INTS2: variants seen among roughly 807,000 people sequenced by gnomAD.
INTS2 encodes KIAA1287.
A neutral mutation model predicts 139.6 loss-of-function variants in INTS2; 57 were observed. The ratio of observed to expected loss-of-function variants is 0.41; its 90% CI spans 0.33 to 0.51. The LOEUF (loss-of-function observed/expected upper bound fraction) is 0.51. Among genes scored for constraint, INTS2 ranks in the 20% least tolerant of loss-of-function variants. The pLI is 0.28. For missense variants in INTS2, 1,196 were observed against 1,436.7 expected, an observed-to-expected ratio of 0.83 and a Z score of 2.71; for synonymous variants, 473 against 493.4, an observed-to-expected ratio of 0.96 and a Z score of 0.55.
chr17:61,917,838 T>C (rs1001604061), intron 5 of INTS2, among the ~76,000 whole-genome samples: 3 of 152,082 alleles, frequency 2.0e-5, no homozygotes, highest in Non-Finnish European at 4.4e-5. Context: ...AATTGAATAA[T>C]ATGTAAATAA....
Position 61,869,049 on chromosome 17 carries a change from C to A in INTS2, c.3229G>T (p.Gly1077Ter). Residue 1077 changes from glycine (G) to a stop codon, truncating the protein, a stop_gained, in exon 23 of 25, where the codon GGA (glycine) becomes TGA (stop). Transcript: ENST00000251334. LOFTEE classifies it high-confidence loss of function. The surrounding 1 kb of genome is among the most constrained non-coding windows in gnomAD (Gnocchi z 5.4). Reference sequence around the variant, plus strand: ...GGCTACATACCTGTTAACAAAGTTCCCATGACATTGACAGCTAAACGAGCC... The same window carrying A: ...GGCTACATACCTGTTAACAAAGTTCACATGACATTGACAGCTAAACGAGCC... ...SVARLAVNVM[G>*]TLLTVLTQAK... 6.2e-7 allele frequency: 1 copy of A among 1,603,390 alleles called. No individual in the cohort carries two copies. The highest frequency in any genetic ancestry group is 8.5e-7 in the Non-Finnish European group (1 of 1,170,864).
rs1198171148 is a variant in INTS2, at chr17:61,870,816, TTTG to T, written c.2779-831_2779-829del. Among the ~76,000 whole-genome samples the T allele has an allele frequency of 6.6e-6, 1 of 152,112 alleles. No individual in the cohort carries two copies. The highest frequency in any genetic ancestry group is 1.5e-5 in the Non-Finnish European group (1 of 68,022). ...TGTTATTGTTATTGTTTTGTTTTCTTTTGTTGTTGTTGACTCAGGAGCCAGAGT... is the reference window on the plus strand; with the variant it reads ...TGTTATTGTTATTGTTTTGTTTTCTTTTGTTGTTGACTCAGGAGCCAGAGT... On this transcript the variant is annotated intron_variant, in intron 20 of 24. Transcript: ENST00000251334. The surrounding 1 kb of genome is among the most constrained non-coding windows in gnomAD (Gnocchi z 4.4).
At chr17:61,895,186 GA>G in intron 12 of INTS2, 128 bp downstream of exon 12, 1 of 595,024 alleles carries the variant, frequency 1.7e-6, no homozygotes, top group Non-Finnish European at 2.9e-6. Flanking sequence ...TTTCAAAGAT[GA>G]AATAAATCAT....
chr17:61,927,978 G>A lies in INTS2; in HGVS notation c.-343C>T, dbSNP rs1430630184. ...TCTGACTCCCGTCGGCCACCGTACT[G>A]GTCTGAGAGGAAGGGTGGCTGCGAG... On this transcript the variant is annotated 5_prime_UTR_variant, in exon 1 of 25. Coordinates refer to ENST00000251334, the MANE Select transcript of INTS2 (RefSeq NM_001351695.2). 1.9e-6 allele frequency: 3 copies of A among 1,612,454 alleles called. No individual in the cohort carries two copies. The highest frequency in any genetic ancestry group is 2.5e-6 in the Non-Finnish European group (3 of 1,178,528).
Position 61,897,525 on chromosome 17 carries a change from G to C in INTS2, c.1438C>G (p.His480Asp), listed in dbSNP as rs1465831164. Reference protein sequence around the residue: ...EMLLLVAMYFHSNQLSAIIDL... With the variant: ...EMLLLVAMYFDSNQLSAIIDL... ...ATGATAGCACTAAGCTGGTTGCTGT[G>C]AAAGTACATAGCCACCAATAATAAC... is the stretch of plus-strand genomic sequence containing the variant. The change falls in exon 11 of 25, where the codon CAC becomes GAC. Residue 480 changes from histidine (H) to aspartate (D), a missense_variant. Around this residue, in one of 3 missense-constraint regions of INTS2, gnomAD observed 1,129 missense variants for 1,341.9 expected, o/e 0.84. Coordinates refer to ENST00000251334, the MANE Select transcript of INTS2 (RefSeq NM_001351695.2). This position sits in a 1 kb window ranked among gnomAD's most constrained non-coding sequence, Gnocchi z 4.4. 6.2e-7 allele frequency: 1 copy of C among 1,605,328 alleles called. No homozygotes were observed. The highest frequency in any genetic ancestry group is 8.5e-7 in the Non-Finnish European group (1 of 1,175,836).
intron 17 of INTS2, among the ~76,000 whole-genome samples, chr17:61,878,662 A>T (rs1208098727): frequency 6.6e-6 from 1 of 151,932 alleles, no homozygotes; most frequent in Non-Finnish European, 1.5e-5. Flanking sequence ...CATTAATGGG[A>T]TAGGCATGGT....
At position 61,913,085 on chromosome 17, in the gene INTS2, GA is replaced by G. The variant is rs936383720; in HGVS notation, c.650-1016del. 4.0e-4 allele frequency among the ~76,000 whole-genome samples: 59 copies of G among 146,978 alleles called. 1 individual carries two copies. The highest frequency in any genetic ancestry group is 1.5e-3 in the African/African-American group (59 of 39,642). ...AGCAAGACTCCATCTCCAAAAAAGA[GA>G]AAAAGTAACTAGAGCAGAGGATAGG... On this transcript the variant is annotated intron_variant, in intron 5 of 24. Transcript: ENST00000251334.
rs371025510 is a variant in INTS2, at chr17:61,877,998, G to A, written c.2345C>T (p.Ala782Val). The A allele has an allele frequency of 5.5e-5, 89 of 1,611,146 alleles. No individual in the cohort carries two copies. The highest frequency in any genetic ancestry group is 1.6e-4 in the Middle Eastern group (1 of 6,074). ...GCTCATATTGGATGTTAACACTTCC[G>A]CATATGGTATAAGTTCACTGGCAGA... ...LLSASELIPY[A>V]EVLTSNMSQL... Residue 782 changes from alanine (A) to valine (V), a missense_variant, in exon 18 of 25, where the codon GCG (alanine) becomes GTG (valine). This residue lies in a region of INTS2 where 1,129 missense variants were observed against 1,341.9 expected (regional missense o/e 0.84). Coordinates refer to ENST00000251334, the MANE Select transcript of INTS2 (RefSeq NM_001351695.2).
rs751408874 is a variant in INTS2, at chr17:61,878,104, A to C, written c.2255-16T>G. ...GCTGAAAATGCTAAAAAGAAAATTT[A>C]GCAATCATAACCTAAATTCTGTACA... On this transcript the variant is annotated splice_polypyrimidine_tract_variant and intron_variant, in intron 17 of 24. Coordinates refer to ENST00000251334, the MANE Select transcript of INTS2 (RefSeq NM_001351695.2). 6.6e-7 allele frequency: 1 copy of C among 1,521,564 alleles called. No homozygotes were observed. The highest frequency in any genetic ancestry group is 1.1e-5 in the South Asian group (1 of 89,180). 94.3% of individuals were successfully genotyped at this position (1,521,564 alleles called of 1,614,324 possible).
chr17:61,888,501 T>C (rs780528162), intron 15 of INTS2, among the ~76,000 whole-genome samples: 30 of 152,270 alleles, frequency 2.0e-4, no homozygotes, highest in Non-Finnish European at 3.1e-4. Flanking sequence ...TCTGATATTA[T>C]GTGAAGTAAC....
intron 16 of INTS2, 108 bp downstream of exon 16, chr17:61,884,793 G>T: frequency 1.4e-6 from 1 of 728,528 alleles, no homozygotes; most frequent in Non-Finnish European, 2.3e-6. Context: ...TTTCACTCTT[G>T]AACTGTTTGA....
At chr17:61,901,024 C>A (rs2143040011) in intron 9 of INTS2, among the ~76,000 whole-genome samples, 1 of 152,236 alleles carries the variant, frequency 6.6e-6, no homozygotes, top group South Asian at 2.1e-4. Context: ...CCTGTAGTTA[C>A]AGCACTCTGG....
At chr17:61,899,343 C>T (rs1164277357) in intron 9 of INTS2, among the ~76,000 whole-genome samples, 2 of 152,054 alleles carry the variant, frequency 1.3e-5, no homozygotes, top group African/African-American at 2.4e-5. Context: ...CTCCACCTCC[C>T]GGATTCAAGA....
intron 8 of INTS2, among the ~76,000 whole-genome samples, chr17:61,905,061 G>A (rs1203154406): frequency 1.3e-5 from 2 of 150,264 alleles, no homozygotes; most frequent in Non-Finnish European, 3.0e-5. Context: ...ATCCTCCCAC[G>A]TCAGTCCTCA....
rs941942564 is a variant in INTS2, at chr17:61,869,446, C to A, written c.3031-66G>T. On this transcript the variant is annotated intron_variant, in intron 21 of 24. Transcript: ENST00000251334. This position sits in a 1 kb window ranked among gnomAD's most constrained non-coding sequence, Gnocchi z 5.4. ...AACTATAAAAGTACAGATAAAAATA[C>A]AAATGAAAGATTTCATTTCCTTTCT... The A allele has an allele frequency of 8.6e-7, 1 of 1,158,632 alleles. No individual in the cohort carries two copies. Among genetic ancestry groups the A allele is most frequent in the African/African-American group, 1.6e-5 (1 of 64,310 alleles). The allele number at this position is 1,158,632 out of a possible 1,614,324, so 71.8% of individuals were successfully genotyped here. A position where few individuals can be genotyped will look rare whatever the true frequency, so the allele number is the denominator to read the frequency against.
chr17:61,924,662 T>C (rs2079689747), intron 3 of INTS2, among the ~76,000 whole-genome samples: 1 of 152,062 alleles, frequency 6.6e-6, no homozygotes, highest in Non-Finnish European at 1.5e-5. Context: ...ACCCCATTTC[T>C]ACTAAAAATA....
chr17:61,912,269 C>T (rs760776962), intron 5 of INTS2, among the ~76,000 whole-genome samples, 199 bp from the exon 6 acceptor site: 13 of 151,580 alleles, frequency 8.6e-5, no homozygotes, highest in South Asian at 2.1e-4. Flanking sequence ...CTTGCAATTA[C>T]GGTCCCAGAG....
In INTS2 at chr17:61,909,821, G is replaced by A. The variant is rs199542555; in HGVS notation, c.954+1699C>T. Among the ~76,000 whole-genome samples the A allele has an allele frequency of 5.4e-3, 515 of 95,042 alleles. 3 individuals carry two copies. Among genetic ancestry groups the A allele is most frequent in the Middle Eastern group, 0.013 (3 of 224 alleles). 62.4% of individuals were successfully genotyped at this position (95,042 alleles called of 152,430 possible). Reference sequence around the variant, plus strand: ...TATATACGTGTGTGTGTACATGTGTGTATGTGTGTGTGTGTGTGTGTGTGT... The same window carrying A: ...TATATACGTGTGTGTGTACATGTGTATATGTGTGTGTGTGTGTGTGTGTGT... On this transcript the variant is annotated intron_variant, in intron 7 of 24. Transcript: ENST00000251334. This position sits in a 1 kb window ranked among gnomAD's most constrained non-coding sequence, Gnocchi z 4.9.
At chr17:61,918,082 A>T (rs1246871615) in intron 5 of INTS2, among the ~76,000 whole-genome samples, 1 of 152,216 alleles carries the variant, frequency 6.6e-6, no homozygotes, top group Non-Finnish European at 1.5e-5. Context: ...GAGACATCAA[A>T]ACTCCTCTCT....
Sources: allele counts gnomAD v4.1 joint callset (sites outside exome capture counted in the v4.1 genomes callset), GRCh38; gene constraint gnomAD v4.1.1; regional missense constraint gnomAD v4.1.1; non-coding constraint Gnocchi (gnomAD v3.1); transcripts MANE v1.5; gene names NCBI Gene and HGNC (gene_info 2026-07-23, HGNC 2026-07-21).